Variants in LRRC37A2 observed in about 807,000 individuals in gnomAD.
LRRC37A2 encodes leucine-rich repeat-containing protein 37A2.
LRRC37A2 carries 9 observed loss-of-function variants against 68.8 expected under a neutral mutation model. That is an observed-to-expected ratio of 0.13 (90% CI 0.08 to 0.23). LRRC37A2 has a LOEUF of 0.23. Ranked by LOEUF, LRRC37A2 falls within the 10% of genes least tolerant of loss-of-function variation. LRRC37A2 has a pLI of 1.00. For missense variants in LRRC37A2, 168 were observed against 950.4 expected, an observed-to-expected ratio of 0.18 and a Z score of 10.82; for synonymous variants, 63 against 367.6, an observed-to-expected ratio of 0.17 and a Z score of 9.48.
chr17:46,923,114 G>A, the LRRC37A2 span: 1 of 1,027,250 alleles, frequency 9.7e-7, no homozygotes, highest in South Asian at 1.4e-5. Context: ...GCGACCGGAA[G>A]CCGGAAACCG....
chr17:47,043,522 C>T, the LRRC37A2 span, among the ~76,000 whole-genome samples: 1 of 151,272 alleles, frequency 6.6e-6, no homozygotes, highest in Non-Finnish European at 1.5e-5. Context: ...AATGTGGTCT[C>T]TGCCCTCAAA....
the LRRC37A2 span, chr17:46,984,206 G>A: frequency 1.3e-5 from 2 of 151,992 alleles, no homozygotes; most frequent in Non-Finnish European, 2.9e-5. Flanking sequence ...AAAGGAAAAG[G>A]ATCTTGTCCC....
chr17:46,950,318 G>A, the LRRC37A2 span, among the ~76,000 whole-genome samples: 6 of 152,180 alleles, frequency 3.9e-5, no homozygotes, highest in Middle Eastern at 3.2e-3. Flanking sequence ...AGGAGGAGGC[G>A]GCTGGCTGAG....
the LRRC37A2 span, among the ~76,000 whole-genome samples, chr17:46,826,853 A>G: frequency 6.7e-6 from 1 of 149,618 alleles, no homozygotes; most frequent in Non-Finnish European, 1.5e-5. Flanking sequence ...TCTCACTGCA[A>G]CCTGCAACCT....
chr17:46,503,690 T>C, the LRRC37A2 span, among the ~76,000 whole-genome samples: 1 of 109,032 alleles, frequency 9.2e-6, no homozygotes, highest in African/African-American at 3.3e-5. Context: ...CAGATGAACC[T>C]CTAGTTGTTT....
chr17:46,940,172 T>C, the LRRC37A2 span: 29 of 1,350,842 alleles, frequency 2.1e-5, no homozygotes, highest in African/African-American at 2.5e-4. Flanking sequence ...TTCAGGCACC[T>C]CTGTGGCATA....
At chr17:46,809,937 C>G in the LRRC37A2 span, among the ~76,000 whole-genome samples, 1 of 151,620 alleles carries the variant, frequency 6.6e-6, no homozygotes, top group African/African-American at 2.4e-5. Flanking sequence ...CAGGGGGGCT[C>G]TTAGGTCCAT....
At chr17:46,836,554 T>C in the LRRC37A2 span, among the ~76,000 whole-genome samples, 2 of 152,228 alleles carry the variant, frequency 1.3e-5, no homozygotes, top group South Asian at 4.1e-4. Flanking sequence ...AAGGTGATCA[T>C]TGTAATGTCA....
chr17:46,772,386 T>A, the LRRC37A2 span, among the ~76,000 whole-genome samples: 3 of 152,214 alleles, frequency 2.0e-5, no homozygotes, highest in African/African-American at 7.2e-5. Flanking sequence ...TTCCCCTGGC[T>A]CTTGGCCGGA....
At chr17:46,966,628 T>C in the LRRC37A2 span, 1 of 664,996 alleles carries the variant, frequency 1.5e-6, no homozygotes, top group Non-Finnish European at 2.8e-6. Context: ...GGATTATAGG[T>C]ATGAGCCACC....
the LRRC37A2 span, among the ~76,000 whole-genome samples, chr17:46,451,882 CTT>C: frequency 1.3e-5 from 1 of 75,554 alleles, no homozygotes; most frequent in Non-Finnish European, 3.4e-5. Flanking sequence ...TCCATATCTG[CTT>C]ATGCTACTTA....
the LRRC37A2 span, among the ~76,000 whole-genome samples, chr17:46,882,046 T>C: frequency 6.6e-6 from 1 of 152,148 alleles, no homozygotes; most frequent in Non-Finnish European, 1.5e-5. Flanking sequence ...ATCCCAGCGA[T>C]TGGAGAGGCC....
the LRRC37A2 span, among the ~76,000 whole-genome samples, chr17:46,727,996 G>GCAACTTTAGAA: frequency 6.8e-6 from 1 of 147,266 alleles, no homozygotes; most frequent in Admixed American, 6.8e-5. Flanking sequence ...TGGATATTCT[G>GCAACTTTAGAA]TTTTTTTTTT....
chr17:46,681,481 C>A, the LRRC37A2 span, among the ~76,000 whole-genome samples: 2 of 144,244 alleles, frequency 1.4e-5, no homozygotes, highest in African/African-American at 5.2e-5. Context: ...CAGAATGAGA[C>A]CCTGTCTCAA....
At chr17:47,019,263 C>T in the LRRC37A2 span, 3 of 1,579,530 alleles carry the variant, frequency 1.9e-6, no homozygotes, top group Non-Finnish European at 1.7e-6. Flanking sequence ...GACTACAGCT[C>T]CTCCTCCAGG....
chr17:46,959,182 G>T, the LRRC37A2 span, among the ~76,000 whole-genome samples: 1 of 152,220 alleles, frequency 6.6e-6, no homozygotes, highest in African/African-American at 2.4e-5. Context: ...AGTGGCAGAA[G>T]TGTCACCTGT....
At chr17:46,837,408 G>C in the LRRC37A2 span, among the ~76,000 whole-genome samples, 1 of 152,156 alleles carries the variant, frequency 6.6e-6, no homozygotes, top group African/African-American at 2.4e-5. Context: ...AATATTTGGG[G>C]GACTGGAGGG....
At chr17:46,783,179 G>C in the LRRC37A2 span, among the ~76,000 whole-genome samples, 1 of 152,244 alleles carries the variant, frequency 6.6e-6, no homozygotes, top group African/African-American at 2.4e-5. Flanking sequence ...TGAGGGTAGA[G>C]TGGGTGCAGG....
At chr17:46,861,271 A>G in the LRRC37A2 span, among the ~76,000 whole-genome samples, 1 of 152,076 alleles carries the variant, frequency 6.6e-6, no homozygotes, top group African/African-American at 2.4e-5. Context: ...TCAGGTCTTC[A>G]ATTCACTTGT....
Sources: allele counts gnomAD v4.1 joint callset (sites outside exome capture counted in the v4.1 genomes callset), GRCh38; gene constraint gnomAD v4.1.1; transcripts MANE v1.5; gene names NCBI Gene and HGNC (gene_info 2026-07-23, HGNC 2026-07-21).